The following NUP62CL variants were observed in gnomAD, a reference collection of about 807,000 sequenced individuals.
The protein encoded by NUP62CL is nucleoporin-62 C-terminal-like protein.
A neutral mutation model predicts 15.3 loss-of-function variants in NUP62CL; 13 were observed. The observed-to-expected ratio is 0.85, with a 90% CI of 0.55 to 1.35. NUP62CL has a LOEUF of 1.35. NUP62CL is among the 40% of genes most tolerant of loss of function. The pLI is 0.00. For missense variants in NUP62CL, 123 were observed against 130.6 expected (o/e 0.94, Z 0.28); for synonymous variants, 54 against 49.2 (o/e 1.10, Z -0.41).
At chrX:107,185,140 T>C (rs1380485559) in intron 2 of NUP62CL, among the ~76,000 whole-genome samples, 2 of 91,362 alleles carry the variant, frequency 2.2e-5, no homozygotes, top group African/African-American at 9.0e-5. Flanking sequence ...GAGCTTGCAG[T>C]GAGCCGAGAT....
rs147381013 is a variant in NUP62CL at position 107,131,497 on chromosome X, T to A, written c.*43-7165A>T. On this transcript the variant is annotated intron_variant, in intron 8 of 8. Transcript: ENST00000372466. The stretch of plus-strand genomic sequence containing the variant: ...TAATGGATAGTAAAGGAACCATTAG[T>A]GAAATTGACAGTTGGCGATAACAAC... 4.7e-3 allele frequency among the ~76,000 whole-genome samples: 522 copies of A among 112,180 alleles called. 4 individuals carry two copies. Among genetic ancestry groups the A allele is most frequent in the African/African-American group, 0.016 (486 of 30,851 alleles).
chrX:107,153,212 G>A lies in NUP62CL; in HGVS notation c.490C>T (p.Leu164Phe). Residue 164 changes from leucine to phenylalanine, a missense_variant, in exon 7 of 9, where the codon CTT becomes TTT. Physicochemically the swap from Leu to Phe is conservative, Grantham distance 22. Coordinates refer to ENST00000372466, the MANE Select transcript of NUP62CL (RefSeq NM_017681.3). ...LEESTRDQSG[L>F]HYLQDADEEH... is the part of the protein sequence containing the mutation. ...TCATCTGCATCCTGCAGATAATGAAGTCCACTCTGGTCACGCGTAGACTCC... is the reference window on the plus strand; with the variant it reads ...TCATCTGCATCCTGCAGATAATGAAATCCACTCTGGTCACGCGTAGACTCC... 8.3e-7 allele frequency: 1 copy of A among 1,206,704 alleles called. No individual in the cohort carries two copies. Among genetic ancestry groups the A allele is most frequent in the Non-Finnish European group, 1.1e-6 (1 of 892,815 alleles).
chrX:107,140,006 A>C (rs1022800660), intron 8 of NUP62CL, among the ~76,000 whole-genome samples: 6 of 111,657 alleles, frequency 5.4e-5, no homozygotes, highest in Non-Finnish European at 1.1e-4. Flanking sequence ...ATTTACAGAG[A>C]TGTACAAAGC....
intron 8 of NUP62CL, among the ~76,000 whole-genome samples, chrX:107,147,123 T>C (rs1223831516): frequency 8.9e-6 from 1 of 112,069 alleles, no homozygotes; most frequent in East Asian, 2.8e-4. Flanking sequence ...TCTTGACTTC[T>C]ATTATCACTA....
intron 2 of NUP62CL, among the ~76,000 whole-genome samples, chrX:107,179,093 C>CAA (rs374131484): frequency 3.3e-5 from 3 of 90,012 alleles, no homozygotes; most frequent in South Asian, 5.1e-4. Flanking sequence ...GACTCCATCT[C>CAA]AAAAAAAAAA....
chrX:107,160,716 C>T (rs1411043234), intron 4 of NUP62CL, among the ~76,000 whole-genome samples: 1 of 110,636 alleles, frequency 9.0e-6, no homozygotes, highest in Non-Finnish European at 1.9e-5. Flanking sequence ...AGGACATAGG[C>T]GTGGGCAAGG....
chrX:107,167,396 A>G (rs1926542677), intron 4 of NUP62CL, among the ~76,000 whole-genome samples: 1 of 112,087 alleles, frequency 8.9e-6, no homozygotes, highest in African/African-American at 3.2e-5. Context: ...CACAGATTAC[A>G]TACACAGTAA....
chrX:107,156,829 T>G (rs1926209351), intron 4 of NUP62CL, among the ~76,000 whole-genome samples: 1 of 106,162 alleles, frequency 9.4e-6, no homozygotes, highest in African/African-American at 3.5e-5. Flanking sequence ...CAAATTACTC[T>G]GAGCTACGGG....
intron 3 of NUP62CL, among the ~76,000 whole-genome samples, chrX:107,169,859 C>G (rs1926606791): frequency 9.1e-6 from 1 of 110,413 alleles, no homozygotes; most frequent in Non-Finnish European, 1.9e-5. Context: ...ATATCTTCAC[C>G]CAAAGATGGT....
chrX:107,169,500 A>G (rs1375528741), intron 3 of NUP62CL, among the ~76,000 whole-genome samples: 1 of 112,064 alleles, frequency 8.9e-6, no homozygotes, highest in African/African-American at 3.2e-5. Context: ...AAAGGTTCTT[A>G]TGATAATTCC....
At chrX:107,177,283 C>A (rs962862922) in intron 2 of NUP62CL, among the ~76,000 whole-genome samples, 1 of 111,236 alleles carries the variant, frequency 9.0e-6, no homozygotes, top group East Asian at 2.8e-4. Flanking sequence ...TATGAAACAT[C>A]ATTGGAAGAA....
intron 7 of NUP62CL, among the ~76,000 whole-genome samples, chrX:107,152,661 A>T (rs1263659043): frequency 8.9e-6 from 1 of 112,014 alleles, no homozygotes; most frequent in Non-Finnish European, 1.9e-5. Flanking sequence ...TCACAAATAA[A>T]ATATAGCCCT....
intron 3 of NUP62CL, among the ~76,000 whole-genome samples, chrX:107,173,459 A>G (rs897614560): frequency 6.2e-5 from 7 of 112,348 alleles, no homozygotes; most frequent in African/African-American, 1.6e-4. Flanking sequence ...AGTTAATTAA[A>G]AGATATTGTG....
intron 8 of NUP62CL, among the ~76,000 whole-genome samples, chrX:107,145,167 GGA>G (rs1925856981): frequency 9.0e-6 from 1 of 111,184 alleles, no homozygotes; most frequent in Admixed American, 9.6e-5. Context: ...CCTTAACACA[GGA>G]GAGAAGGAAG....
chrX:107,126,278 A>G (rs907568352), intron 8 of NUP62CL, among the ~76,000 whole-genome samples: 9 of 112,350 alleles, frequency 8.0e-5, no homozygotes, highest in Non-Finnish European at 1.7e-4. Flanking sequence ...ATGGATTAAA[A>G]GACTCACTAT....
At chrX:107,157,146 G>C (rs770941640) in intron 4 of NUP62CL, among the ~76,000 whole-genome samples, 1 of 110,295 alleles carries the variant, frequency 9.1e-6, no homozygotes, top group African/African-American at 3.3e-5. Flanking sequence ...CCAAATCTAC[G>C]TCTGATTGGT....
intron 8 of NUP62CL, among the ~76,000 whole-genome samples, chrX:107,141,306 C>CA (rs960990306): frequency 4.5e-5 from 5 of 111,727 alleles, no homozygotes; most frequent in Non-Finnish European, 9.4e-5. Flanking sequence ...AAAGGTGTGA[C>CA]AAAAAATCTA....
rs1239374406 is a variant in NUP62CL at position 107,195,947 on chromosome X, G to A, written c.-91-2875C>T. 5.5e-5 allele frequency among the ~76,000 whole-genome samples: 6 copies of A among 108,931 alleles called. No individual in the cohort carries two copies. The Admixed American group carries it at 6.0e-4, about 11-fold the overall frequency. The allele number at this position is 108,931 out of a possible 115,157, so 94.6% of individuals were successfully genotyped here. ...ATAAATATTGATAGAAAAATTCATT[G>A]TTGTCAAACCATGGTGGGTGTTTAT... On this transcript the variant is annotated intron_variant, in intron 1 of 8. Coordinates refer to ENST00000372466, the MANE Select transcript of NUP62CL (RefSeq NM_017681.3).
intron 3 of NUP62CL, among the ~76,000 whole-genome samples, chrX:107,171,800 T>A (rs1403824151): frequency 9.0e-6 from 1 of 110,900 alleles, no homozygotes; most frequent in African/African-American, 3.3e-5. Context: ...AGATAAGGGC[T>A]GGGTATGACA....
Sources: allele counts gnomAD v4.1 joint callset (sites outside exome capture counted in the v4.1 genomes callset), GRCh38; gene constraint gnomAD v4.1.1; transcripts MANE v1.5; gene names NCBI Gene and HGNC (gene_info 2026-07-23, HGNC 2026-07-21).